The following PAK1 variants were observed in gnomAD, a reference collection of about 807,000 sequenced individuals.
PAK1 encodes the protein p21 (RAC1) activated kinase 1.
A neutral mutation model predicts 67.4 loss-of-function variants in PAK1; 29 were observed. That is an observed-to-expected ratio of 0.43 (90% confidence interval 0.32 to 0.59). The LOEUF (loss-of-function observed/expected upper bound fraction) is 0.59, where lower values mean the gene tolerates loss of function less well. Ranked by LOEUF, PAK1 falls within the 20% of genes least tolerant of loss-of-function variation. PAK1 has a pLI of 0.07. For missense variants in PAK1, 337 were observed against 670.7 expected (o/e 0.50, Z 5.50); for synonymous variants, 223 against 237.4 (o/e 0.94, Z 0.56).
chr11:77,405,670 G>GAGAC (rs1177577797), intron 1 of PAK1, among the ~76,000 whole-genome samples: 2,951 of 125,598 alleles, frequency 0.023, 90 homozygotes, highest in East Asian at 0.085. Context: ...CAGACAGACA[G>GAGAC]ACAGACACAC....
At chr11:77,429,386 G>C (rs2138299722) in intron 1 of PAK1, among the ~76,000 whole-genome samples, 1 of 152,242 alleles carries the variant, frequency 6.6e-6, no homozygotes, top group Non-Finnish European at 1.5e-5. Flanking sequence ...TATTTACATA[G>C]TACTGCCTAC....
At chr11:77,527,565 G>A in the PAK1 span, among the ~76,000 whole-genome samples, 8 of 152,160 alleles carry the variant, frequency 5.3e-5, no homozygotes, top group Non-Finnish European at 1.2e-4. Flanking sequence ...AGGTAATAGA[G>A]GTAGTAAGTA....
At chr11:77,386,063 G>C (rs976477384) in intron 2 of PAK1, among the ~76,000 whole-genome samples, 1 of 152,036 alleles carries the variant, frequency 6.6e-6, no homozygotes, top group South Asian at 2.1e-4. Flanking sequence ...AAAATAAAGC[G>C]GGAAAAGAAG....
At chr11:77,352,445 T>C (rs1277055552) in intron 8 of PAK1, among the ~76,000 whole-genome samples, 1 of 152,228 alleles carries the variant, frequency 6.6e-6, no homozygotes. Context: ...CATAAGATTA[T>C]GATGGAGCTG....
intron 13 of PAK1, among the ~76,000 whole-genome samples, chr11:77,333,255 T>G (rs1942053065): frequency 6.7e-6 from 1 of 148,708 alleles, no homozygotes; most frequent in Non-Finnish European, 1.5e-5. Context: ...TGGAGTGCAG[T>G]GGCACGATCT....
the PAK1 span, among the ~76,000 whole-genome samples, chr11:77,491,850 C>T: frequency 6.6e-6 from 1 of 152,174 alleles, no homozygotes; most frequent in African/African-American, 2.4e-5. Context: ...TCAATAATAA[C>T]ACTGAATGTA....
intron 1 of PAK1, among the ~76,000 whole-genome samples, chr11:77,440,153 A>C (rs1956291906): frequency 6.6e-6 from 1 of 152,172 alleles, no homozygotes; most frequent in Non-Finnish European, 1.5e-5. Flanking sequence ...TCATTTGAAA[A>C]ATTTCTTCAG....
chr11:77,374,103 T>TA (rs1265927054), intron 5 of PAK1, among the ~76,000 whole-genome samples: 1 of 152,108 alleles, frequency 6.6e-6, no homozygotes, highest in Non-Finnish European at 1.5e-5. Flanking sequence ...AAATTAAAAA[T>TA]AAAAAAATTA....
At chr11:77,373,664 GT>G (rs933490458) in intron 5 of PAK1, among the ~76,000 whole-genome samples, 1 of 151,382 alleles carries the variant, frequency 6.6e-6, no homozygotes, top group Non-Finnish European at 1.5e-5. Flanking sequence ...ATCCCTGTAA[GT>G]GCCCTGGGAA....
At chr11:77,378,386 G>A (rs983982545) in intron 4 of PAK1, among the ~76,000 whole-genome samples, 11 of 152,030 alleles carry the variant, frequency 7.2e-5, no homozygotes, top group African/African-American at 2.7e-4. Flanking sequence ...TCTACCGAGG[G>A]TACATCTAAA....
the PAK1 span, among the ~76,000 whole-genome samples, chr11:77,519,968 G>C: frequency 5.2e-4 from 79 of 152,190 alleles, no homozygotes; most frequent in Non-Finnish European, 9.4e-4. Flanking sequence ...CCACCACACA[G>C]GAATTGGAAG....
At chr11:77,338,328 T>C (rs1227165304) in intron 11 of PAK1, among the ~76,000 whole-genome samples, 2 of 152,208 alleles carry the variant, frequency 1.3e-5, no homozygotes, top group Admixed American at 6.5e-5. Context: ...CCTAACCTAA[T>C]ACTTTACTTT....
intron 8 of PAK1, chr11:77,353,009 T>G (rs1945486868): frequency 6.6e-6 from 1 of 152,476 alleles, no homozygotes; most frequent in Non-Finnish European, 1.5e-5. Context: ...AGAGATTGTC[T>G]CTGAATTCAT....
chr11:77,340,009 T>A (rs934817237), intron 11 of PAK1, among the ~76,000 whole-genome samples: 1 of 152,228 alleles, frequency 6.6e-6, no homozygotes, highest in Non-Finnish European at 1.5e-5. Context: ...CCAGGCTTTC[T>A]GGAGGGCTTT....
chr11:77,376,167 T>C (rs1044162784), intron 4 of PAK1, among the ~76,000 whole-genome samples: 2 of 152,340 alleles, frequency 1.3e-5, no homozygotes, highest in South Asian at 4.1e-4. Flanking sequence ...ATTGGGTATT[T>C]TGGTAATAGG....
the PAK1 span, among the ~76,000 whole-genome samples, chr11:77,483,581 CTT>C: frequency 6.6e-6 from 1 of 152,158 alleles, no homozygotes; most frequent in African/African-American, 2.4e-5. Flanking sequence ...TACAAGGAAA[CTT>C]TGTGGGGTAT....
chr11:77,477,000 AT>A (rs571795642), upstream of PAK1: 251 of 152,330 alleles, frequency 1.6e-3, no homozygotes, highest in African/African-American at 5.7e-3. Flanking sequence ...AAATAAAAAA[AT>A]AAAAATAAAT....
At chr11:77,451,168 A>C (rs910833544) in intron 1 of PAK1, among the ~76,000 whole-genome samples, 7 of 152,244 alleles carry the variant, frequency 4.6e-5, no homozygotes, top group Non-Finnish European at 8.8e-5. Flanking sequence ...AATGGGGTTC[A>C]AGACATGCTA....
upstream of PAK1, among the ~76,000 whole-genome samples, chr11:77,479,064 G>C (rs1021504671): frequency 6.7e-6 from 1 of 149,730 alleles, no homozygotes; most frequent in South Asian, 2.1e-4. Context: ...CAGCCTAGGC[G>C]GCCGAGCAAG....
Sources: gnomAD v4.1 joint callset for allele counts (sites outside exome capture counted in the v4.1 genomes callset) on GRCh38, gnomAD v4.1.1 for gene constraint, MANE v1.5 for transcripts, NCBI Gene and HGNC (gene_info 2026-07-23, HGNC 2026-07-21) for gene names.